LRIG1: variants seen among roughly 807,000 people sequenced by gnomAD.
The protein encoded by LRIG1 is leucine rich repeats and immunoglobulin like domains 1, also known as leucine-rich repeats and immunoglobulin-like domains protein 1.
LRIG1 carries 48 observed loss-of-function variants against 99.2 expected under a neutral mutation model. The observed-to-expected ratio is 0.48, with a 90% CI of 0.38 to 0.62. LRIG1 has a LOEUF of 0.62. Among genes scored for constraint, LRIG1 ranks in the 20% least tolerant of loss-of-function variants. The pLI, the probability that LRIG1 is intolerant of heterozygous loss-of-function variation, is 0.00. For missense variants in LRIG1, 1,646 were observed against 1,434.4 expected (o/e 1.15, Z -2.38); for synonymous variants, 772 against 596.1 (o/e 1.29, Z -4.30).
At position 66,451,585 on chromosome 3, in the gene LRIG1, A is replaced by C. The variant is rs1313049853; in HGVS notation, c.339T>G (p.Ala113=). 1.9e-5 allele frequency: 31 copies of C among 1,614,156 alleles called. No homozygotes were observed. Among genetic ancestry groups the C allele is most frequent in the Non-Finnish European group, 2.5e-5 (29 of 1,179,998 alleles). The change falls in exon 3 of 19, where the codon GCT becomes GCG. Residue 113 remains alanine, a synonymous_variant. Transcript: ENST00000273261. ...GAAAGAGAGAGACGACATGTGATGA[A>C]GCAGCGCCCAGGGATGGTACCGCTG... ...ELTAVPSLGA[A]SSHVVSLFLQ...
chr3:66,463,316 G>A (rs996371479), intron 1 of LRIG1, among the ~76,000 whole-genome samples: 1 of 152,114 alleles, frequency 6.6e-6, no homozygotes, highest in African/African-American at 2.4e-5. Context: ...TGAATAAACC[G>A]GGAGGGACAG....
intron 16 of LRIG1, 22 bp from the exon 17 acceptor site, chr3:66,381,653 A>G: frequency 6.2e-7 from 1 of 1,604,962 alleles, no homozygotes; most frequent in Non-Finnish European, 8.5e-7. Context: ...TTCCAACACG[A>G]TTAGAAACTC....
intron 12 of LRIG1, among the ~76,000 whole-genome samples, chr3:66,392,713 C>A (rs1701670862): frequency 6.6e-6 from 1 of 152,124 alleles, no homozygotes; most frequent in African/African-American, 2.4e-5. Context: ...GGTGAACTTA[C>A]CAAAGTCCTA....
intron 13 of LRIG1, among the ~76,000 whole-genome samples, chr3:66,384,562 A>C (rs1027785889): frequency 6.6e-6 from 1 of 151,904 alleles, no homozygotes; most frequent in Admixed American, 6.6e-5. Flanking sequence ...CGGGAGTTGC[A>C]GGGGGTGCCC....
chr3:66,414,515 C>T (rs1702563813), intron 5 of LRIG1, among the ~76,000 whole-genome samples: 1 of 152,196 alleles, frequency 6.6e-6, no homozygotes, highest in Admixed American at 6.5e-5. Context: ...CTAACTTCCT[C>T]TCAAACTGTT....
intron 13 of LRIG1, among the ~76,000 whole-genome samples, chr3:66,384,982 G>A (rs1701299034): frequency 6.6e-6 from 1 of 152,214 alleles, no homozygotes; most frequent in African/African-American, 2.4e-5. Flanking sequence ...CTACAGTGTG[G>A]TAAAGAAGGT....
chr3:66,500,659 C>A lies in LRIG1; in HGVS notation c.-252G>T. 1 of 287,886 alleles carries A rather than the reference C, an allele frequency of 3.5e-6. No individual in the cohort carries two copies. The highest frequency in any genetic ancestry group is 1.6e-4 in the South Asian group (1 of 6,120). 17.8% of individuals were successfully genotyped at this position (287,886 alleles called of 1,614,324 possible). ...GGGCCGGCCGGCCCGCCCGCGCTAG[C>A]TGCGAACTCCGCCGATTCGGGCAAG... On this transcript the variant is annotated 5_prime_UTR_variant, in exon 1 of 19. Coordinates refer to ENST00000273261, the MANE Select transcript of LRIG1 (RefSeq NM_015541.3).
intron 2 of LRIG1, among the ~76,000 whole-genome samples, chr3:66,458,377 A>C (rs1405436442): frequency 3.9e-5 from 6 of 152,192 alleles, no homozygotes; most frequent in African/African-American, 1.4e-4. Flanking sequence ...GAAAATGCTT[A>C]CAAAGAAAAT....
intron 4 of LRIG1, among the ~76,000 whole-genome samples, chr3:66,416,259 G>A (rs1329303856): frequency 1.3e-5 from 2 of 152,148 alleles, no homozygotes; most frequent in African/African-American, 4.8e-5. Flanking sequence ...CCCAACTCTG[G>A]CGCCCTAATG....
At position 66,380,671 on chromosome 3, in the gene LRIG1, G is replaced by A. The variant is rs756959251; in HGVS notation, c.2961C>T (p.Ser987=). ...AGAGCGACCCTTGGCACTCGGGGCA[G>A]GACCCAGCGGCAGTCCTGCTGCACT... ...HHQCSRTAAG[S]CPECQGSLYP... Residue 987 remains serine (S), a synonymous_variant, in exon 18 of 19, where the codon TCC becomes TCT. Transcript: ENST00000273261. 2 of 1,614,218 alleles carry A rather than the reference G, an allele frequency of 1.2e-6. No homozygotes were observed. The highest frequency in any genetic ancestry group is 1.1e-5 in the South Asian group (1 of 91,090).
intron 7 of LRIG1, chr3:66,409,917 A>T: frequency 2.0e-6 from 1 of 497,064 alleles, no homozygotes. Flanking sequence ...GCTAATCCAA[A>T]TGCAGAGGAA....
At chr3:66,381,083 A>C (rs919831866) in intron 17 of LRIG1, 7 of 598,806 alleles carry the variant, frequency 1.2e-5, no homozygotes, top group Non-Finnish European at 2.1e-5. Context: ...AGTGAATTTC[A>C]TAGACAATGT....
chr3:66,427,250 A>C (rs943332454), intron 3 of LRIG1, among the ~76,000 whole-genome samples: 15 of 152,158 alleles, frequency 9.9e-5, no homozygotes, highest in African/African-American at 2.9e-4. Context: ...ACGCACTCAA[A>C]ATAATCAAAA....
intron 11 of LRIG1, among the ~76,000 whole-genome samples, chr3:66,395,887 C>T (rs1217495549): frequency 1.3e-5 from 2 of 152,250 alleles, no homozygotes; most frequent in African/African-American, 4.8e-5. Flanking sequence ...CACTTCCGTG[C>T]AGTCAGGCAG....
chr3:66,417,538 A>G (rs1190716019), intron 3 of LRIG1: 2 of 430,200 alleles, frequency 4.6e-6, no homozygotes, highest in Admixed American at 7.3e-5. Context: ...ACTGAAGACC[A>G]TGTGAGACCA....
At position 66,382,997 on chromosome 3, in the gene LRIG1, T is replaced by G. The variant is rs1323597992; in HGVS notation, c.2476A>C (p.Ser826Arg). 10 of 1,612,294 alleles carry G rather than the reference T, an allele frequency of 6.2e-6. No homozygotes were observed. Among genetic ancestry groups the G allele is most frequent in the Admixed American group, 1.7e-5 (1 of 59,964 alleles). Reference sequence around the variant, plus strand: ...AGGGCCTGACCTGTGTTGGTGACACTGTACTCTTCACTCTTCTTCCTGGTC... The same window carrying G: ...AGGGCCTGACCTGTGTTGGTGACACGGTACTCTTCACTCTTCTTCCTGGTC... ...YQTRKKSEEYSVTNTDETVVP... is the reference protein window; with the variant it reads ...YQTRKKSEEYRVTNTDETVVP... The change falls in exon 15 of 19, where the codon AGT (serine) becomes CGT (arginine). Residue 826 changes from serine to arginine, a missense_variant. Transcript: ENST00000273261.
intron 3 of LRIG1, among the ~76,000 whole-genome samples, chr3:66,420,630 C>T (rs146957010): frequency 3.3e-5 from 5 of 152,308 alleles, no homozygotes; most frequent in East Asian, 1.9e-4. Flanking sequence ...AATTCTAACA[C>T]GTGCTACTGA....
chr3:66,441,566 C>G (rs949760586), intron 3 of LRIG1, among the ~76,000 whole-genome samples: 10 of 152,142 alleles, frequency 6.6e-5, no homozygotes, highest in African/African-American at 2.4e-4. Context: ...AAGTTCACCT[C>G]GGGTCAGAAA....
In LRIG1 at chr3:66,473,033, G is replaced by A. The variant is rs142766036; in HGVS notation, c.219-10524C>T. On this transcript the variant is annotated intron_variant, in intron 1 of 18. Transcript: ENST00000273261. The stretch of plus-strand genomic sequence containing the variant: ...ACTCAGTGGTGACTCACTTCTGGAC[G>A]TGTAGTGATTAGGGGTTTTTGTTGT... Among the ~76,000 whole-genome samples, 17 of 152,226 alleles carry A rather than the reference G, an allele frequency of 1.1e-4. No individual in the cohort carries two copies. In the East Asian group the frequency reaches 2.1e-3, roughly 19 times the overall value.
Sources: allele counts gnomAD v4.1 joint callset (sites outside exome capture counted in the v4.1 genomes callset), GRCh38; gene constraint gnomAD v4.1.1; transcripts MANE v1.5; gene names NCBI Gene and HGNC (gene_info 2026-07-23, HGNC 2026-07-21).